The following SLC19A1 variants were observed in gnomAD, a reference collection of about 807,000 sequenced individuals.
SLC19A1 encodes the protein solute carrier family 19 member 1.
In SLC19A1, 37 loss-of-function variants were observed where a neutral mutation model predicts 35.3. That is an observed-to-expected ratio of 1.05 (90% confidence interval 0.81 to 1.38). The LOEUF (loss-of-function observed/expected upper bound fraction) is 1.38, where lower values mean the gene tolerates loss of function less well. SLC19A1 is among the 40% of genes most tolerant of loss of function. The probability of loss-of-function intolerance (pLI) is 0.00; values close to 1 mark genes in which losing one functional copy is unlikely to be tolerated. For synonymous variants in SLC19A1, 460 were observed against 398.5 expected (o/e 1.15, Z -1.84); for missense variants, 831 against 826.9 (o/e 1.00, Z -0.06).
At chr21:45,512,381 A>G (rs1299058269), downstream of SLC19A1, 2 of 1,612,478 alleles carry the variant, frequency 1.2e-6, no homozygotes, top group African/African-American at 1.3e-5. Context: ...GAACAGCTTC[A>G]TGACTGCCTC....
upstream of SLC19A1, among the ~76,000 whole-genome samples, chr21:45,547,323 C>A (rs2078424859): frequency 6.6e-6 from 1 of 152,134 alleles, no homozygotes; most frequent in East Asian, 1.9e-4. Context: ...ACAGACCACT[C>A]CTCTGGGCAA....
intron 1 of SLC19A1, among the ~76,000 whole-genome samples, chr21:45,549,451 A>G (rs2146485669): frequency 6.7e-6 from 1 of 149,544 alleles, no homozygotes; most frequent in Non-Finnish European, 1.5e-5. Flanking sequence ...TGTGAATTGC[A>G]CCTCGATAAA....
chr21:45,560,148 T>C (rs973975025), intron 1 of SLC19A1, among the ~76,000 whole-genome samples: 1 of 152,084 alleles, frequency 6.6e-6, no homozygotes, highest in African/African-American at 2.4e-5. Context: ...CGTGCAGCCT[T>C]CCTGGGGAGC....
At chr21:45,508,067 GA>G (rs1282681428), downstream of SLC19A1, among the ~76,000 whole-genome samples, 1 of 150,810 alleles carries the variant, frequency 6.6e-6, no homozygotes, top group African/African-American at 2.4e-5. Context: ...GTGGATGGAT[GA>G]GTAGATGGTG....
chr21:45,540,009 G>A lies in SLC19A1; in HGVS notation c.-49-2001C>T, dbSNP rs1212537743. 6.6e-6 allele frequency among the ~76,000 whole-genome samples: 1 copy of A among 152,134 alleles called. No individual in the cohort carries two copies. The highest frequency in any genetic ancestry group is 1.9e-4 in the East Asian group (1 of 5,182). On this transcript the variant is annotated intron_variant, in intron 1 of 5. Transcript: ENST00000311124. The surrounding 1 kb of genome is among the most constrained non-coding windows in gnomAD (Gnocchi z 5.5). ...CCAGGCAGGAGGAAGCGCAGGCAGG[G>A]GCCACTGCCAGGCCGAGGCAGATCT...
intron 1 of SLC19A1, among the ~76,000 whole-genome samples, chr21:45,555,141 G>C: frequency 7.6e-6 from 1 of 132,256 alleles, no homozygotes; most frequent in Non-Finnish European, 1.6e-5. Flanking sequence ...CGCGACGCAG[G>C]GGGCGGTGCA....
chr21:45,538,643 G>A (rs1312972178), intron 1 of SLC19A1, among the ~76,000 whole-genome samples: 1 of 152,252 alleles, frequency 6.6e-6, no homozygotes, highest in African/African-American at 2.4e-5. Flanking sequence ...AAAAGCAGGT[G>A]TCCTTGAGGG....
intron 2 of SLC19A1, among the ~76,000 whole-genome samples, chr21:45,535,623 GC>G (rs1416950102): frequency 6.6e-6 from 1 of 152,162 alleles, no homozygotes; most frequent in Non-Finnish European, 1.5e-5. Flanking sequence ...AGCAGCATTC[GC>G]CCCAGGAGTG....
At chr21:45,532,424 T>G (rs764915043) in intron 2 of SLC19A1, among the ~76,000 whole-genome samples, 5 of 152,220 alleles carry the variant, frequency 3.3e-5, no homozygotes, top group Admixed American at 1.3e-4. Context: ...CCTGTTCATC[T>G]AAGCTTCTCT....
chr21:45,546,732 A>C (rs1242182094), upstream of SLC19A1, among the ~76,000 whole-genome samples: 1 of 152,242 alleles, frequency 6.6e-6, no homozygotes, highest in East Asian at 1.9e-4. Context: ...GTGGAGTTTG[A>C]AGCCTACACT....
Position 45,515,399 on chromosome 21 carries a change from C to T in SLC19A1, c.*259G>A. On this transcript the variant is annotated 3_prime_UTR_variant, in exon 6 of 6. Coordinates refer to ENST00000311124, the MANE Select transcript of SLC19A1 (RefSeq NM_194255.4). ...ATGAGCCAGTGAGGCCTGGTGGACG[C>T]AGAAGCCCACCACCCACCTCTTCCA... is the stretch of plus-strand genomic sequence containing the variant. 1 of 1,432,398 alleles carries T rather than the reference C, an allele frequency of 7.0e-7. No homozygotes were observed. The highest frequency in any genetic ancestry group is 2.9e-5 in the Admixed American group (1 of 34,008). The allele number at this position is 1,432,398 out of a possible 1,614,324, so 88.7% of individuals were successfully genotyped here.
At chr21:45,535,279 C>G (rs1009065625) in intron 2 of SLC19A1, among the ~76,000 whole-genome samples, 1 of 152,190 alleles carries the variant, frequency 6.6e-6, no homozygotes, top group African/African-American at 2.4e-5. Context: ...CGGACTCGGC[C>G]GGGGAAAGCG....
At position 45,517,821 on chromosome 21, in the gene SLC19A1, C is replaced by T. The variant is rs991389062; in HGVS notation, c.1294-1681G>A. On this transcript the variant is annotated intron_variant, in intron 5 of 5. Transcript: ENST00000311124. This position sits in a 1 kb window ranked among gnomAD's most constrained non-coding sequence, Gnocchi z 4.4. ...CAACAAGAAGGAGCCCCCACCCAGC[C>T]ACCCACCCTCCCTCAGGTGTCACAA... is the stretch of plus-strand genomic sequence containing the variant. Among the ~76,000 whole-genome samples, 1 of 152,190 alleles carries T rather than the reference C, an allele frequency of 6.6e-6. No homozygotes were observed. The highest frequency in any genetic ancestry group is 1.5e-5 in the Non-Finnish European group (1 of 68,030).
At chr21:45,525,140 C>T (rs2077564304) in intron 5 of SLC19A1, among the ~76,000 whole-genome samples, 1 of 152,204 alleles carries the variant, frequency 6.6e-6, no homozygotes, top group South Asian at 2.1e-4. Flanking sequence ...CTCAGAGGAT[C>T]AGGACTAACC....
rs149902096 is a variant in SLC19A1, at chr21:45,534,813, C to T, written c.190-2665G>A. The T allele has an allele frequency of 3.9e-3, 2,249 of 577,600 alleles. 11 individuals carry two copies. The highest frequency in any genetic ancestry group is 6.1e-3 in the Non-Finnish European group (1,978 of 323,362). The allele number at this position is 577,600 out of a possible 1,614,324, so 35.8% of individuals were successfully genotyped here. ...GCTGCTGGGGGAGGGGCCCTCACAA[C>T]GGTCCCAGCAGGGAGGTGGCATCTG... On this transcript the variant is annotated intron_variant, in intron 2 of 5. Transcript: ENST00000311124. This position sits in a 1 kb window ranked among gnomAD's most constrained non-coding sequence, Gnocchi z 4.2.
At chr21:45,559,326 C>A (rs905025856) in intron 1 of SLC19A1, among the ~76,000 whole-genome samples, 2 of 152,074 alleles carry the variant, frequency 1.3e-5, no homozygotes, top group Non-Finnish European at 2.9e-5. Context: ...CAGGGAATTG[C>A]CCCCATCTGT....
intron 2 of SLC19A1, among the ~76,000 whole-genome samples, chr21:45,536,847 G>A (rs1318029900): frequency 2.6e-5 from 4 of 152,128 alleles, no homozygotes; most frequent in Admixed American, 6.5e-5. Context: ...CAGCTGGGCC[G>A]GCAGCCTGTG....
chr21:45,509,938 C>T (rs1021051164), downstream of SLC19A1: 37 of 1,109,512 alleles, frequency 3.3e-5, no homozygotes, highest in Non-Finnish European at 3.8e-5. Flanking sequence ...GTCACTTGCG[C>T]GCCTCCCGCT....
In SLC19A1 at chr21:45,538,016, G is replaced by T. The variant is rs972051516; in HGVS notation, c.-49-8C>A. On this transcript the variant is annotated splice_region_variant and splice_polypyrimidine_tract_variant and intron_variant, in intron 1 of 5. Transcript: ENST00000311124. ...ACGAAGGTGACGCTGTGCCTGGAAGGAGGGGTGGAGTCAGGGCACCTTGGA... is the reference window on the plus strand; with the variant it reads ...ACGAAGGTGACGCTGTGCCTGGAAGTAGGGGTGGAGTCAGGGCACCTTGGA... 51 of 1,390,938 alleles carry T rather than the reference G, an allele frequency of 3.7e-5. No homozygotes were observed. Among genetic ancestry groups the T allele is most frequent in the Non-Finnish European group, 4.6e-5 (48 of 1,052,710 alleles). The allele number at this position is 1,390,938 out of a possible 1,614,324, so 86.2% of individuals were successfully genotyped here. A position where few individuals can be genotyped will look rare whatever the true frequency, so the allele number is the denominator to read the frequency against.
Sources: allele counts gnomAD v4.1 joint callset (sites outside exome capture counted in the v4.1 genomes callset), GRCh38; gene constraint gnomAD v4.1.1; non-coding constraint Gnocchi (gnomAD v3.1); transcripts MANE v1.5; gene names NCBI Gene and HGNC (gene_info 2026-07-23, HGNC 2026-07-21).